Variants in DSG4 observed in about 807,000 individuals in gnomAD.
The protein encoded by DSG4 is desmoglein 4.
A neutral mutation model predicts 93.1 loss-of-function variants in DSG4; 87 were observed. That is an observed-to-expected ratio of 0.93 (90% CI 0.79 to 1.12). DSG4 has a LOEUF of 1.12. Among genes scored for constraint, DSG4 ranks in the 50% most tolerant of loss-of-function variants. The probability of loss-of-function intolerance (pLI) is 0.00; values close to 1 mark genes in which losing one functional copy is unlikely to be tolerated. For missense variants in DSG4, 1,373 were observed against 1,285.7 expected, an observed-to-expected ratio of 1.07 and a Z score of -1.04; for synonymous variants, 432 against 452.9, an observed-to-expected ratio of 0.95 and a Z score of 0.59.
chr18:31,402,048 C>T (rs72929922), intron 10 of DSG4, among the ~76,000 whole-genome samples: 6,331 of 152,198 alleles, frequency 0.042, 171 homozygotes, highest in East Asian at 0.065. Context: ...GTTGATTGCA[C>T]CCTATGTTTG....
At chr18:31,408,568 G>T (rs781556634) in intron 12 of DSG4, among the ~76,000 whole-genome samples, 4 of 151,944 alleles carry the variant, frequency 2.6e-5, no homozygotes, top group Non-Finnish European at 5.9e-5. Flanking sequence ...AATTTTTGTG[G>T]GTACATAATA....
chr18:31,376,919 G>C lies in DSG4; in HGVS notation c.8G>C (p.Trp3Ser). Residue 3 changes from tryptophan to serine, a missense_variant, in exon 1 of 16, where the codon TGG becomes TCG. Trp to Ser is a radical substitution (Grantham distance 177). Transcript: ENST00000308128. MD[W>S]LFFRNICLLI... The stretch of plus-strand genomic sequence containing the variant: ...CAAGAGAAACCCAAAGGAATGGATT[G>C]GCTCTTCTTCAGAAACATTTGCCTT... 1 of 1,613,606 alleles carries C rather than the reference G, an allele frequency of 6.2e-7. No homozygotes were observed. Among genetic ancestry groups the C allele is most frequent in the Non-Finnish European group, 8.5e-7 (1 of 1,179,708 alleles).
At chr18:31,380,222 A>T (rs991383174) in intron 1 of DSG4, among the ~76,000 whole-genome samples, 1 of 152,182 alleles carries the variant, frequency 6.6e-6, no homozygotes, top group African/African-American at 2.4e-5. Context: ...TCCTGCCCTA[A>T]AAAGATTTCA....
chr18:31,408,338 A>T (rs1031583170), intron 12 of DSG4, among the ~76,000 whole-genome samples: 1 of 152,252 alleles, frequency 6.6e-6, no homozygotes, highest in Non-Finnish European at 1.5e-5. Flanking sequence ...GATCCAGCTC[A>T]CATTTAAATT....
chr18:31,396,470 T>G (rs2072307074), intron 8 of DSG4, among the ~76,000 whole-genome samples: 1 of 141,660 alleles, frequency 7.1e-6, no homozygotes, highest in African/African-American at 2.6e-5. Context: ...ATTTCACGCA[T>G]CAGCCTCCGG....
intron 2 of DSG4, among the ~76,000 whole-genome samples, chr18:31,386,315 C>T (rs60353862): frequency 6.6e-6 from 1 of 152,122 alleles, no homozygotes; most frequent in African/African-American, 2.4e-5. Flanking sequence ...TCTTTAAACT[C>T]TGCAGTCTGT....
chr18:31,383,763 A>T (rs938962430), intron 1 of DSG4, among the ~76,000 whole-genome samples: 1 of 152,086 alleles, frequency 6.6e-6, no homozygotes, highest in Non-Finnish European at 1.5e-5. Flanking sequence ...ATTCTGTTGC[A>T]CTCTAATAGA....
intron 2 of DSG4, among the ~76,000 whole-genome samples, chr18:31,386,379 G>A (rs764936459): frequency 1.6e-4 from 24 of 152,124 alleles, no homozygotes; most frequent in Non-Finnish European, 3.1e-4. Context: ...CCTATATGGT[G>A]AAGATAGATT....
intron 8 of DSG4, among the ~76,000 whole-genome samples, chr18:31,396,354 C>CTTTT (rs71383035): frequency 8.1e-5 from 6 of 73,972 alleles, no homozygotes; most frequent in Non-Finnish European, 1.6e-4. Flanking sequence ...AGGGTCATTG[C>CTTTT]TTTTTTTTTT....
rs576262431 is a variant in DSG4, at chr18:31,406,809, G to A, written c.1933+436G>A. Among the ~76,000 whole-genome samples the A allele has an allele frequency of 2.0e-5, 3 of 150,436 alleles. No individual in the cohort carries two copies. The East Asian group carries it at 5.9e-4, about 29-fold the overall frequency. ...TTTCTTTTTTTTGAGATGGAATCTT[G>A]CTCTATTGCCCAGGCTGGAGTGCAG... On this transcript the variant is annotated intron_variant, in intron 12 of 15. Coordinates refer to ENST00000308128, the MANE Select transcript of DSG4 (RefSeq NM_177986.5).
At chr18:31,407,785 G>A (rs1348980897) in intron 12 of DSG4, among the ~76,000 whole-genome samples, 1 of 152,214 alleles carries the variant, frequency 6.6e-6, no homozygotes, top group Non-Finnish European at 1.5e-5. Context: ...TAACTCTACA[G>A]CAATTGAGTA....
intron 15 of DSG4, among the ~76,000 whole-genome samples, 184 bp from the exon 16 acceptor site, chr18:31,412,644 G>A (rs906375675): frequency 3.3e-5 from 5 of 152,088 alleles, no homozygotes; most frequent in African/African-American, 1.2e-4. Context: ...CTTAAAATTG[G>A]TAGTTACAAA....
chr18:31,409,320 G>T, intron 12 of DSG4, 132 bp from the exon 13 acceptor site: 2 of 1,369,182 alleles, frequency 1.5e-6, no homozygotes, highest in Non-Finnish European at 2.1e-6. Flanking sequence ...GGAAAAAAAT[G>T]AGATTTTCTT....
In DSG4 at chr18:31,388,992, C is replaced by G. The variant is rs1343800371; in HGVS notation, c.491C>G (p.Ala164Gly). 2.5e-6 allele frequency: 4 copies of G among 1,613,252 alleles called. No homozygotes were observed. Among genetic ancestry groups the G allele is most frequent in the Non-Finnish European group, 3.4e-6 (4 of 1,179,470 alleles). ...GTCTTTTCGCAAAGTGTATACACAGCCAGCATTGAAGAAAATAGTGATGCC... is the reference window on the plus strand; with the variant it reads ...GTCTTTTCGCAAAGTGTATACACAGGCAGCATTGAAGAAAATAGTGATGCC... ...APVFSQSVYT[A>G]SIEENSDANT... Residue 164 changes from alanine (A) to glycine (G), a missense_variant, in exon 5 of 16, where the codon GCC becomes GGC. Ala to Gly is a moderately conservative substitution (Grantham distance 60, BLOSUM62 0). Transcript: ENST00000308128.
chr18:31,403,646 G>T lies in DSG4; in HGVS notation c.1636+12G>T, dbSNP rs375850397. ...CAGATCAACAAATGGTAAGTGAAAC[G>T]TAAGCTTGTTTTTTGGACTTTAAGT... On this transcript the variant is annotated intron_variant, in intron 11 of 15. Coordinates refer to ENST00000308128, the MANE Select transcript of DSG4 (RefSeq NM_177986.5). 2.5e-6 allele frequency: 4 copies of T among 1,613,382 alleles called. No homozygotes were observed. In the African/African-American group the frequency reaches 5.3e-5, roughly 22 times the overall value.
In DSG4 at chr18:31,403,523, C is replaced by G. The variant is rs749255106; in HGVS notation, c.1525C>G (p.Pro509Ala). Residue 509 changes from proline to alanine, a missense_variant, in exon 11 of 16, where the codon CCA becomes GCA. Physicochemically the swap from Pro to Ala is conservative, Grantham distance 27 (BLOSUM62 -1). Coordinates refer to ENST00000308128, the MANE Select transcript of DSG4 (RefSeq NM_177986.5). ...PERRTICIDS[P>A]SVLISVNEHS... is the part of the protein sequence containing the mutation. ...AAGAAGAACCATCTGCATTGACTCT[C>G]CATCAGTCCTTATCTCTGTTAATGA... 2 of 1,614,072 alleles carry G rather than the reference C, an allele frequency of 1.2e-6. No homozygotes were observed. The highest frequency in any genetic ancestry group is 2.2e-5 in the South Asian group (2 of 91,072).
At chr18:31,405,154 T>A (rs1438492553) in intron 11 of DSG4, among the ~76,000 whole-genome samples, 1 of 152,208 alleles carries the variant, frequency 6.6e-6, no homozygotes, top group Non-Finnish European at 1.5e-5. Flanking sequence ...GTGCTATGGA[T>A]CAATCAGTTA....
chr18:31,385,274 C>T, intron 2 of DSG4, 103 bp downstream of exon 2: 1 of 875,824 alleles, frequency 1.1e-6, no homozygotes, highest in Non-Finnish European at 1.7e-6. Context: ...TTGTAATTAT[C>T]CAGGTAAAAG....
chr18:31,411,181 C>T (rs978054426), intron 14 of DSG4, 50 bp from the exon 15 acceptor site: 1 of 1,614,094 alleles, frequency 6.2e-7, no homozygotes, highest in African/African-American at 1.3e-5. Flanking sequence ...TAGGCAGATG[C>T]GCGCTGCAGG....
Sources: allele counts gnomAD v4.1 joint callset (sites outside exome capture counted in the v4.1 genomes callset), GRCh38; gene constraint gnomAD v4.1.1; transcripts MANE v1.5; gene names NCBI Gene and HGNC (gene_info 2026-07-23, HGNC 2026-07-21).